The following INO80C variants were observed in gnomAD, a reference collection of about 807,000 sequenced individuals.
INO80C encodes INO80 complex subunit C, also known as IES6 homolog.
In INO80C, 17 loss-of-function variants were observed where a neutral mutation model predicts 17.7. The observed-to-expected ratio is 0.96, with a 90% CI of 0.66 to 1.44. The LOEUF is 1.44. Among genes scored for constraint, INO80C ranks in the 40% most tolerant of loss-of-function variants. The probability of loss-of-function intolerance (pLI) is 0.00; values close to 1 mark genes in which losing one functional copy is unlikely to be tolerated. For synonymous variants in INO80C, 96 were observed against 95.8 expected (o/e 1.00, Z -0.01); for missense variants, 244 against 245.0 (o/e 1.00, Z 0.03).
chr18:35,473,362 G>A (rs565863690), intron 4 of INO80C, among the ~76,000 whole-genome samples: 176 of 152,314 alleles, frequency 1.2e-3, no homozygotes, highest in Admixed American at 2.0e-3. Flanking sequence ...TAAGTTCCAG[G>A]ATCATCCAAA....
intron 4 of INO80C, among the ~76,000 whole-genome samples, chr18:35,477,891 G>T (rs1244803897): frequency 6.6e-6 from 1 of 152,214 alleles, no homozygotes; most frequent in East Asian, 1.9e-4. Flanking sequence ...TTAAAAATAA[G>T]TTTGAATGTC....
intron 1 of INO80C, among the ~76,000 whole-genome samples, chr18:35,493,482 G>C (rs116743023): frequency 2.0e-5 from 3 of 152,308 alleles, no homozygotes; most frequent in East Asian, 1.9e-4. Flanking sequence ...GAACTAGAGA[G>C]AGCCATCTTG....
intron 1 of INO80C, among the ~76,000 whole-genome samples, chr18:35,490,149 G>T (rs953996067): frequency 2.6e-5 from 4 of 152,196 alleles, no homozygotes; most frequent in Admixed American, 6.5e-5. Flanking sequence ...TTCAGGAGGT[G>T]GTGGTACAAA....
At position 35,480,493 on chromosome 18, in the gene INO80C, T is replaced by C; in HGVS notation, c.227A>G (p.Lys76Arg). 1 of 1,614,146 alleles carries C rather than the reference T, an allele frequency of 6.2e-7. No individual in the cohort carries two copies. Among genetic ancestry groups the C allele is most frequent in the Non-Finnish European group, 8.5e-7 (1 of 1,179,968 alleles). The part of the protein sequence containing the change: ...PSEFSTGPVE[K>R]AAKPLPFKDP... ...CTTAAATGGCAAAGGTTTGGCAGCT[T>C]TTTCCACAGGTCCTGTGCTAAACTC... Residue 76 changes from lysine (K) to arginine (R), a missense_variant, in exon 2 of 5, where the codon AAA becomes AGA. Lys to Arg is a conservative substitution (Grantham distance 26). Transcript: ENST00000334598.
chr18:35,488,302 G>T (rs1290741762), intron 1 of INO80C, among the ~76,000 whole-genome samples: 1 of 152,210 alleles, frequency 6.6e-6, no homozygotes, highest in Non-Finnish European at 1.5e-5. Flanking sequence ...GAGGTTCTCT[G>T]TAAGGGCCCT....
chr18:35,483,463 C>G (rs948364683), intron 1 of INO80C: 1 of 152,168 alleles, frequency 6.6e-6, no homozygotes, highest in Admixed American at 6.5e-5. Context: ...AACAACAGAT[C>G]AGAAGAAAGG....
chr18:35,490,041 C>T (rs1033216685), intron 1 of INO80C, among the ~76,000 whole-genome samples: 1 of 151,442 alleles, frequency 6.6e-6, no homozygotes, highest in African/African-American at 2.4e-5. Flanking sequence ...CCAAGAGGCA[C>T]ACCCAGCTGC....
chr18:35,495,060 G>T (rs766822906), intron 1 of INO80C, among the ~76,000 whole-genome samples: 2 of 152,202 alleles, frequency 1.3e-5, no homozygotes, highest in African/African-American at 4.8e-5. Context: ...AGCCCTCAGG[G>T]GTACTGTGCT....
At chr18:35,485,080 A>G (rs355320) in intron 1 of INO80C, among the ~76,000 whole-genome samples, 152,158 of 152,164 alleles carry the variant, frequency 1, 76,076 homozygotes, top group Middle Eastern at 1. Flanking sequence ...CCAGTCATCC[A>G]GGATTAGGGC....
rs2045631717 is a variant in INO80C, at chr18:35,468,640, G to A, written c.550C>T (p.Leu184=). The change falls in exon 5 of 5, where the codon CTG becomes TTG. Residue 184 remains leucine (L), a synonymous_variant. Transcript: ENST00000334598. ...PSDVVTGYLA[L]RKATSIVP is the part of the protein sequence containing the mutation. Reference sequence around the variant, plus strand: ...GGAACGATGCTCGTGGCCTTCCTCAGGGCCAGGTAGCCGGTGACGACGTCA... The same window carrying A: ...GGAACGATGCTCGTGGCCTTCCTCAAGGCCAGGTAGCCGGTGACGACGTCA... The A allele has an allele frequency of 6.2e-7, 1 of 1,614,056 alleles. No individual in the cohort carries two copies. The highest frequency in any genetic ancestry group is 8.5e-7 in the Non-Finnish European group (1 of 1,179,976).
chr18:35,481,476 C>A (rs2007452), intron 1 of INO80C, among the ~76,000 whole-genome samples: 2,483 of 152,314 alleles, frequency 0.016, 62 homozygotes, highest in African/African-American at 0.056. Flanking sequence ...CCAGTCCCAA[C>A]GGCAACCGCT....
At chr18:35,473,850 T>C (rs1445483956) in intron 4 of INO80C, among the ~76,000 whole-genome samples, 3 of 152,066 alleles carry the variant, frequency 2.0e-5, no homozygotes, top group Non-Finnish European at 2.9e-5. Context: ...GCAACTAAGT[T>C]AAAGGAGCTT....
chr18:35,468,493 A>T lies in INO80C; in HGVS notation c.*118T>A. 2.0e-6 allele frequency: 3 copies of T among 1,527,714 alleles called. No homozygotes were observed. Among genetic ancestry groups the T allele is most frequent in the South Asian group, 2.6e-5 (2 of 77,966 alleles). 94.6% of individuals were successfully genotyped at this position (1,527,714 alleles called of 1,614,324 possible). On this transcript the variant is annotated 3_prime_UTR_variant, in exon 5 of 5. Coordinates refer to ENST00000334598, the MANE Select transcript of INO80C (RefSeq NM_194281.4). ...AAATTAAAGCCAAACATTCTTTCCA[A>T]GGCACAGCACTGGCATTTTCAGATT...
chr18:35,497,254 A>T (rs1567991852), intron 1 of INO80C: 1 of 831,684 alleles, frequency 1.2e-6, no homozygotes, highest in East Asian at 1.2e-4. Context: ...TGGGAAACCC[A>T]GGGTCAAAAA....
chr18:35,489,220 G>A (rs2045909236), intron 1 of INO80C: 3 of 208,492 alleles, frequency 1.4e-5, no homozygotes, highest in Admixed American at 1.1e-4. Context: ...ACATACAGCA[G>A]CAACCCACTC....
intron 4 of INO80C, among the ~76,000 whole-genome samples, chr18:35,473,047 T>G (rs1598736106): frequency 6.6e-6 from 1 of 152,282 alleles, no homozygotes. Flanking sequence ...GAATAATGAT[T>G]CTCCCTCCTC....
At chr18:35,493,243 A>G (rs1421413878) in intron 1 of INO80C, among the ~76,000 whole-genome samples, 1 of 152,248 alleles carries the variant, frequency 6.6e-6, no homozygotes, top group African/African-American at 2.4e-5. Flanking sequence ...CTTGATAAAT[A>G]TTAATTACTA....
Position 35,473,059 on chromosome 18 carries a change from T to C in INO80C, c.448-4317A>G, listed in dbSNP as rs536483934. 5.1e-4 allele frequency among the ~76,000 whole-genome samples: 77 copies of C among 152,324 alleles called. 3 individuals are homozygous for C. In the South Asian group the frequency reaches 0.015, roughly 30 times the overall value. ...CTGGAATAATGATTCTCCCTCCTCCTAATGTGTGAAAACCATTGTACTAGC... is the reference window on the plus strand; with the variant it reads ...CTGGAATAATGATTCTCCCTCCTCCCAATGTGTGAAAACCATTGTACTAGC... On this transcript the variant is annotated intron_variant, in intron 4 of 4. Transcript: ENST00000334598.
Position 35,497,562 on chromosome 18 carries a change from G to T in INO80C, c.156+157C>A, listed in dbSNP as rs1348001686. On this transcript the variant is annotated intron_variant, in intron 1 of 4. Transcript: ENST00000334598. ...GTAAGCCCATGTGTCCAAACGAAGG[G>T]AAAGAGTAGTCATTCACTCCGCGGG... 5 of 1,418,242 alleles carry T rather than the reference G, an allele frequency of 3.5e-6. No homozygotes were observed. In the South Asian group the frequency reaches 6.0e-5, roughly 17 times the overall value. 87.9% of individuals were successfully genotyped at this position (1,418,242 alleles called of 1,614,324 possible).
Sources: gnomAD v4.1 joint callset for allele counts (sites outside exome capture counted in the v4.1 genomes callset) on GRCh38, gnomAD v4.1.1 for gene constraint, MANE v1.5 for transcripts, NCBI Gene and HGNC (gene_info 2026-07-23, HGNC 2026-07-21) for gene names.